The following ITGA2B variants were observed in gnomAD, a reference collection of about 807,000 sequenced individuals.
The protein encoded by ITGA2B is integrin subunit alpha 2b, also known as integrin alpha-IIb.
In ITGA2B, 91 loss-of-function variants were observed where a neutral mutation model predicts 142.0. That is an observed-to-expected ratio of 0.64 (90% CI 0.54 to 0.76). The LOEUF (loss-of-function observed/expected upper bound fraction) is 0.76, where lower values mean the gene tolerates loss of function less well. Ranked by LOEUF, ITGA2B falls within the 30% of genes least tolerant of loss-of-function variation. ITGA2B has a pLI of 0.00. For synonymous variants in ITGA2B, 536 were observed against 567.2 expected, an observed-to-expected ratio of 0.94 and a Z score of 0.78; for missense variants, 1,231 against 1,350.8, an observed-to-expected ratio of 0.91 and a Z score of 1.39.
At position 44,385,093 on chromosome 17, in the gene ITGA2B, A is replaced by T; in HGVS notation, c.671-17T>A. 6.2e-7 allele frequency: 1 copy of T among 1,614,074 alleles called. No homozygotes were observed. Among genetic ancestry groups the T allele is most frequent in the Non-Finnish European group, 8.5e-7 (1 of 1,180,028 alleles). Reference sequence around the variant, plus strand: ...CCAGGAGACCTAGGGCGGGAGGGACAGCGGGTGTGAAGCCCAAAGCGGTCT... The same window carrying T: ...CCAGGAGACCTAGGGCGGGAGGGACTGCGGGTGTGAAGCCCAAAGCGGTCT... On this transcript the variant is annotated splice_polypyrimidine_tract_variant and intron_variant, in intron 6 of 29. Coordinates refer to ENST00000262407, the MANE Select transcript of ITGA2B (RefSeq NM_000419.5).
At chr17:44,373,068 G>T (rs980320721) in intron 29 of ITGA2B, among the ~76,000 whole-genome samples, 1 of 151,964 alleles carries the variant, frequency 6.6e-6, no homozygotes, top group African/African-American at 2.4e-5. Context: ...AAACTTTTTT[G>T]TAGAGATGGA....
rs1293256929 is a variant in ITGA2B at position 44,385,311 on chromosome 17, G to A, written c.599C>T (p.Ala200Val). ...CTGAGTGACCACGGAGCTGAAGCCC[G>A]CTTCACAGTAACGCTTGTCCCAGCC... ...DFSWDKRYCE[A>V]GFSSVVTQAG... The change falls in exon 5 of 30, where the codon GCG (alanine) becomes GTG (valine). Residue 200 changes from alanine (A) to valine (V), a missense_variant. Physicochemically the swap from Ala to Val is moderately conservative, Grantham distance 64. This residue lies in a region of ITGA2B where 318 missense variants were observed against 312.2 expected (regional missense o/e 1.02). Coordinates refer to ENST00000262407, the MANE Select transcript of ITGA2B (RefSeq NM_000419.5). 18 of 1,612,328 alleles carry A rather than the reference G, an allele frequency of 1.1e-5. No individual in the cohort carries two copies. The highest frequency in any genetic ancestry group is 1.4e-5 in the Non-Finnish European group (17 of 1,179,896).
At chr17:44,374,205 C>T (rs2048519176) in intron 29 of ITGA2B, 149 bp downstream of exon 29, 4 of 771,366 alleles carry the variant, frequency 5.2e-6, no homozygotes, top group East Asian at 4.9e-5. Flanking sequence ...CCCACTGGAC[C>T]GAGAATGACA....
At chr17:44,387,252 G>T (rs2048657129) in intron 1 of ITGA2B, among the ~76,000 whole-genome samples, 1 of 152,220 alleles carries the variant, frequency 6.6e-6, no homozygotes, top group Non-Finnish European at 1.5e-5. Flanking sequence ...GCCGGGTGTG[G>T]TGGCTCACGC....
intron 29 of ITGA2B, 44 bp downstream of exon 29, chr17:44,374,310 A>C: frequency 6.4e-7 from 1 of 1,557,792 alleles, no homozygotes; most frequent in Non-Finnish European, 8.9e-7. Context: ...GGGCAGAGCC[A>C]AGCCTGTGCC....
intron 24 of ITGA2B, 39 bp downstream of exon 24, chr17:44,376,046 C>G: frequency 6.2e-7 from 1 of 1,613,996 alleles, no homozygotes; most frequent in Non-Finnish European, 8.5e-7. Context: ...GTTCTGAGGA[C>G]CCGCTCACCC....
intron 17 of ITGA2B, 23 bp downstream of exon 17, chr17:44,379,979 G>A (rs777484310): frequency 6.2e-7 from 1 of 1,613,026 alleles, no homozygotes; most frequent in Admixed American, 1.7e-5. Context: ...TCCCAGCCCT[G>A]CCAATCCCCT....
intron 22 of ITGA2B, among the ~76,000 whole-genome samples, 166 bp from the exon 23 acceptor site, chr17:44,376,554 A>G (rs1002511113): frequency 6.6e-6 from 1 of 152,160 alleles, no homozygotes; most frequent in African/African-American, 2.4e-5. Context: ...TCCAAGACTC[A>G]GACATAAATC....
In ITGA2B at chr17:44,380,967, G is replaced by T. The variant is rs1403289333; in HGVS notation, c.1305C>A (p.Ser435=). ...GQSEGLRSRP[S]QVLDSPFPTG... ...TGGGGAAGGGGCTGTCCAGGACCTG[G>T]GAGGGACGTGACCTCAGCCCCTCAC... is the stretch of plus-strand genomic sequence containing the variant. Residue 435 remains serine (S), a synonymous_variant, in exon 13 of 30, where the codon TCC becomes TCA. Coordinates refer to ENST00000262407, the MANE Select transcript of ITGA2B (RefSeq NM_000419.5). 1.2e-6 allele frequency: 2 copies of T among 1,613,962 alleles called. No homozygotes were observed. The highest frequency in any genetic ancestry group is 1.7e-6 in the Non-Finnish European group (2 of 1,179,940).
At chr17:44,378,243 A>C in intron 20 of ITGA2B, 119 bp downstream of exon 20, 1 of 1,299,742 alleles carries the variant, frequency 7.7e-7, no homozygotes, top group Non-Finnish European at 1.0e-6. Flanking sequence ...AAAAAATAAA[A>C]AATTACATCT....
Position 44,374,102 on chromosome 17 carries a change from C to T in ITGA2B, c.3060+252G>A, listed in dbSNP as rs1598375380. On this transcript the variant is annotated intron_variant, in intron 29 of 29. Transcript: ENST00000262407. ...GGTATTTTTAGTAGAGATGGGGTTTCACCATGTTGGCCAGGCTGGTCTCGA... is the reference window on the plus strand; with the variant it reads ...GGTATTTTTAGTAGAGATGGGGTTTTACCATGTTGGCCAGGCTGGTCTCGA... The T allele has an allele frequency of 6.4e-6, 3 of 468,250 alleles. No individual in the cohort carries two copies. The East Asian group carries it at 1.3e-4, about 20-fold the overall frequency. 29.0% of individuals were successfully genotyped at this position (468,250 alleles called of 1,614,324 possible). A position where few individuals can be genotyped will look rare whatever the true frequency, so the allele number is the denominator to read the frequency against.
At chr17:44,381,884 T>C (rs1400224669) in intron 12 of ITGA2B, among the ~76,000 whole-genome samples, 2 of 151,938 alleles carry the variant, frequency 1.3e-5, no homozygotes, top group Non-Finnish European at 2.9e-5. Context: ...TGCCTCGGCC[T>C]CCCAAAGTGC....
At chr17:44,374,845 AAGC>A (rs982046016) in intron 27 of ITGA2B, 85 bp from the exon 28 acceptor site, 2 of 1,342,368 alleles carry the variant, frequency 1.5e-6, no homozygotes, top group Non-Finnish European at 2.1e-6. Flanking sequence ...CCCGGCGGGG[AAGC>A]CCTGCCTCTG....
In ITGA2B at chr17:44,378,729, G is replaced by A. The variant is rs373069016; in HGVS notation, c.1879-19C>T. 10 of 1,552,372 alleles carry A rather than the reference G, an allele frequency of 6.4e-6. No individual in the cohort carries two copies. In the African/African-American group the frequency reaches 1.1e-4, roughly 17 times the overall value. ...TTCGTGTCTAGAGGGGCACATTGGG[G>A]TGTGCGGGTAAGTTGGGGATGTGTG... On this transcript the variant is annotated intron_variant, in intron 18 of 29. Coordinates refer to ENST00000262407, the MANE Select transcript of ITGA2B (RefSeq NM_000419.5).
chr17:44,382,049 C>A (rs116113762), intron 12 of ITGA2B, among the ~76,000 whole-genome samples: 3,014 of 152,198 alleles, frequency 0.02, 106 homozygotes, highest in African/African-American at 0.068. Flanking sequence ...ATGCTATAAT[C>A]CCACACCAAC....
intron 12 of ITGA2B, among the ~76,000 whole-genome samples, chr17:44,381,449 C>A (rs771675434): frequency 1.3e-5 from 2 of 151,686 alleles, no homozygotes; most frequent in Non-Finnish European, 2.9e-5. Context: ...TGTGCCTCAG[C>A]CTCTTCAGTA....
At chr17:44,377,897 G>C (rs1241647866) in intron 20 of ITGA2B, 107 bp from the exon 21 acceptor site, 8 of 692,840 alleles carry the variant, frequency 1.2e-5, no homozygotes, top group Admixed American at 2.1e-5. Flanking sequence ...GGGAGGGGGG[G>C]GTTTCTTGGG....
chr17:44,378,774 G>T, intron 18 of ITGA2B, 64 bp from the exon 19 acceptor site: 1 of 1,465,666 alleles, frequency 6.8e-7, no homozygotes, highest in Non-Finnish European at 9.4e-7. Flanking sequence ...GATTACATCA[G>T]GGTTAGGAAA....
chr17:44,387,677 T>C (rs1429196748), intron 1 of ITGA2B, among the ~76,000 whole-genome samples: 1 of 150,444 alleles, frequency 6.6e-6, no homozygotes, highest in Middle Eastern at 3.2e-3. Flanking sequence ...AATACAAAAT[T>C]AGCCGGGTGT....
Sources: gnomAD v4.1 joint callset for allele counts (sites outside exome capture counted in the v4.1 genomes callset) on GRCh38, gnomAD v4.1.1 for gene constraint, gnomAD v4.1.1 regional missense constraint, MANE v1.5 for transcripts, NCBI Gene and HGNC (gene_info 2026-07-23, HGNC 2026-07-21) for gene names.